CPNE4: variants seen among roughly 807,000 people sequenced by gnomAD.
The protein encoded by CPNE4 is copine-4.
CPNE4 carries 25 observed loss-of-function variants against 67.9 expected under a neutral mutation model. The observed-to-expected ratio is 0.37, with a 90% CI of 0.27 to 0.51. CPNE4 has a LOEUF of 0.51. Ranked by LOEUF, CPNE4 falls within the 20% of genes least tolerant of loss-of-function variation. The pLI is 0.93. For missense variants in CPNE4, 464 were observed against 690.8 expected (o/e 0.67, Z 3.68); for synonymous variants, 242 against 244.9 (o/e 0.99, Z 0.11).
At chr3:131,624,958 T>C (rs2079036419) in intron 7 of CPNE4, among the ~76,000 whole-genome samples, 2 of 152,170 alleles carry the variant, frequency 1.3e-5, no homozygotes, top group Non-Finnish European at 2.9e-5. Flanking sequence ...TGTTTTTAGC[T>C]TCTGGTCCTT....
At chr3:131,681,419 T>G (rs72983674) in intron 6 of CPNE4, among the ~76,000 whole-genome samples, 3,011 of 152,296 alleles carry the variant, frequency 0.02, 96 homozygotes, top group African/African-American at 0.068. Context: ...GGATACAAGT[T>G]TTTTCCTTCA....
At chr3:131,724,147 G>GC (rs1312514528) in intron 2 of CPNE4, among the ~76,000 whole-genome samples, 1 of 152,156 alleles carries the variant, frequency 6.6e-6, no homozygotes, top group African/African-American at 2.4e-5. Flanking sequence ...AAAGTGCTAT[G>GC]TAGGTGTCTC....
intron 2 of CPNE4, among the ~76,000 whole-genome samples, chr3:131,880,493 CT>C (rs2087632813): frequency 6.6e-6 from 1 of 152,174 alleles, no homozygotes; most frequent in East Asian, 1.9e-4. Context: ...AAAATGATGA[CT>C]TTCCCCAAAT....
intron 2 of CPNE4, among the ~76,000 whole-genome samples, chr3:131,903,791 A>AT (rs772220970): frequency 1.2e-4 from 18 of 152,192 alleles, no homozygotes; most frequent in Middle Eastern, 3.4e-3. Context: ...TTTAGGTCAT[A>AT]TTGTTTCAAG....
chr3:131,579,621 CACTA>C (rs1352898739), intron 9 of CPNE4, among the ~76,000 whole-genome samples: 2 of 152,106 alleles, frequency 1.3e-5, no homozygotes, highest in African/African-American at 4.8e-5. Flanking sequence ...GAAATATCAA[CACTA>C]ATAGGAGTTT....
intron 1 of CPNE4, among the ~76,000 whole-genome samples, chr3:131,993,472 C>CA (rs58116331): frequency 0.065 from 3,943 of 60,442 alleles, 810 homozygotes; most frequent in Admixed American, 0.12. Context: ...GCAGGAGTGG[C>CA]AAAAAAAAAA....
chr3:132,000,500 ATAAT>A (rs895452631), intron 1 of CPNE4, among the ~76,000 whole-genome samples: 3 of 150,710 alleles, frequency 2.0e-5, no homozygotes, highest in Non-Finnish European at 2.9e-5. Flanking sequence ...AATAAAATAA[ATAAT>A]AAATAAATAA....
intron 2 of CPNE4, among the ~76,000 whole-genome samples, chr3:131,860,262 A>G (rs1383172221): frequency 6.6e-6 from 1 of 152,246 alleles, no homozygotes; most frequent in Non-Finnish European, 1.5e-5. Flanking sequence ...TTAGTAGTTT[A>G]GTTATTGTTA....
chr3:131,926,658 G>A (rs1248869630), intron 1 of CPNE4, among the ~76,000 whole-genome samples: 1 of 152,114 alleles, frequency 6.6e-6, no homozygotes, highest in Non-Finnish European at 1.5e-5. Flanking sequence ...AAGTGGGAAT[G>A]AATTATTTTA....
At chr3:131,931,782 C>T (rs887526011) in intron 1 of CPNE4, among the ~76,000 whole-genome samples, 4 of 152,140 alleles carry the variant, frequency 2.6e-5, no homozygotes, top group African/African-American at 9.7e-5. Context: ...GGTCGCACAA[C>T]TGTTTGACCT....
chr3:131,543,884 T>TTAAG (rs895264832), intron 14 of CPNE4, among the ~76,000 whole-genome samples: 3 of 152,190 alleles, frequency 2.0e-5, no homozygotes, highest in African/African-American at 7.2e-5. Flanking sequence ...GCTTCCTGCT[T>TTAAG]TAAGTCCTGA....
intron 1 of CPNE4, among the ~76,000 whole-genome samples, chr3:131,969,662 A>G (rs2072451748): frequency 6.6e-6 from 1 of 152,190 alleles, no homozygotes; most frequent in Admixed American, 6.5e-5. Context: ...TTCAGAGCAC[A>G]GGTCTAAGGG....
chr3:131,946,666 T>C (rs2071560657), intron 1 of CPNE4, among the ~76,000 whole-genome samples: 1 of 152,200 alleles, frequency 6.6e-6, no homozygotes, highest in Non-Finnish European at 1.5e-5. Context: ...AAAATATGAC[T>C]TTCAAATATT....
At chr3:131,955,787 T>C (rs2071948503) in intron 1 of CPNE4, among the ~76,000 whole-genome samples, 1 of 152,154 alleles carries the variant, frequency 6.6e-6, no homozygotes, top group South Asian at 2.1e-4. Context: ...ACGGAAGTGG[T>C]GGCCAGCACA....
chr3:131,572,212 G>A (rs1937372556), intron 10 of CPNE4, among the ~76,000 whole-genome samples: 1 of 152,034 alleles, frequency 6.6e-6, no homozygotes. Context: ...GTATTGGTCA[G>A]AGCCACTACA....
At chr3:131,797,645 A>G (rs939516372) in intron 2 of CPNE4, among the ~76,000 whole-genome samples, 8 of 152,182 alleles carry the variant, frequency 5.3e-5, no homozygotes, top group African/African-American at 9.6e-5. Context: ...ATAGATACAC[A>G]AGGCTGGGTT....
At chr3:131,780,053 C>T (rs6805770) in intron 2 of CPNE4, among the ~76,000 whole-genome samples, 4,825 of 152,144 alleles carry the variant, frequency 0.032, 281 homozygotes, top group African/African-American at 0.11. Flanking sequence ...ATAAAACATA[C>T]ATGCAGCTAA....
intron 1 of CPNE4, among the ~76,000 whole-genome samples, chr3:131,956,388 T>G (rs768307334): frequency 2.6e-5 from 4 of 152,192 alleles, no homozygotes; most frequent in Non-Finnish European, 5.9e-5. Flanking sequence ...GACTACCAAG[T>G]CAATTTCTTT....
intron 2 of CPNE4, among the ~76,000 whole-genome samples, chr3:131,812,739 A>G (rs1458248996): frequency 6.6e-6 from 1 of 152,232 alleles, no homozygotes; most frequent in Admixed American, 6.5e-5. Context: ...CAGTGAAGGC[A>G]GACTTGTAGA....
Sources: allele counts gnomAD v4.1 joint callset (sites outside exome capture counted in the v4.1 genomes callset), GRCh38; gene constraint gnomAD v4.1.1; transcripts MANE v1.5; gene names NCBI Gene and HGNC (gene_info 2026-07-23, HGNC 2026-07-21).